DRC7: variants seen among roughly 807,000 people sequenced by gnomAD.
DRC7 encodes the protein dynein regulatory complex subunit 7, also known as coiled-coil domain containing 135.
DRC7 carries 80 observed loss-of-function variants against 104.4 expected under a neutral mutation model. The ratio of observed to expected loss-of-function variants is 0.77; its 90% confidence interval spans 0.64 to 0.92. The LOEUF (loss-of-function observed/expected upper bound fraction) is 0.92, where lower values mean the gene tolerates loss of function less well. Ranked by LOEUF, DRC7 falls within the 40% of genes least tolerant of loss-of-function variation. The pLI is 0.00. For missense variants in DRC7, 1,034 were observed against 1,141.1 expected (o/e 0.91, Z 1.35); for synonymous variants, 405 against 447.3 (o/e 0.91, Z 1.19).
chr16:57,719,747 A>C (rs921474791), intron 9 of DRC7, among the ~76,000 whole-genome samples: 4 of 152,072 alleles, frequency 2.6e-5, no homozygotes, highest in Non-Finnish European at 4.4e-5. Context: ...GGCTCAAGAG[A>C]TCCCCTTGCC....
intron 8 of DRC7, chr16:57,707,970 C>T (rs538650251): frequency 5.9e-5 from 27 of 455,984 alleles, no homozygotes; most frequent in South Asian, 5.3e-4. Context: ...GTACACTCAT[C>T]CCATGCATAC....
In DRC7 at chr16:57,698,896, T is replaced by G; in HGVS notation, c.250T>G (p.Tyr84Asp). Reference sequence around the variant, plus strand: ...TGACATCTCCAAGCTGCCCATTTCCTACAAAACCAACACACCCAAGGAGGA... The same window carrying G: ...TGACATCTCCAAGCTGCCCATTTCCGACAAAACCAACACACCCAAGGAGGA... ...TIDISKLPIS[Y>D]KTNTPKEEHL... Residue 84 changes from tyrosine to aspartate, a missense_variant, in exon 4 of 19, where the codon TAC (tyrosine) becomes GAC (aspartate). Coordinates refer to ENST00000360716, the MANE Select transcript of DRC7 (RefSeq NM_001289162.2). 1.9e-6 allele frequency: 3 copies of G among 1,614,128 alleles called. No homozygotes were observed. Among genetic ancestry groups the G allele is most frequent in the Non-Finnish European group, 2.5e-6 (3 of 1,180,002 alleles).
chr16:57,723,165 C>G, intron 12 of DRC7, 35 bp downstream of exon 12: 1 of 1,607,472 alleles, frequency 6.2e-7, no homozygotes, highest in African/African-American at 1.3e-5. Context: ...CACCCAGGAG[C>G]CTGGGGTAGA....
Position 57,718,377 on chromosome 16 carries a change from A to T in DRC7, c.1108A>T (p.Arg370Ter). ...GATCTTTGACCTGGGTGACCCTGTGAGATGGGAGTACATGCTCCTGGGGAC... is the reference window on the plus strand; with the variant it reads ...GATCTTTGACCTGGGTGACCCTGTGTGATGGGAGTACATGCTCCTGGGGAC... ...DLIFDLGDPV[R>*]WEYMLLGTDK... Residue 370 changes from arginine to a stop codon, truncating the protein, a stop_gained, in exon 9 of 19, where the codon AGA (arginine) becomes TGA (stop). Transcript: ENST00000360716. LOFTEE classifies it high-confidence loss of function. 1 of 1,614,118 alleles carries T rather than the reference A, an allele frequency of 6.2e-7. No homozygotes were observed.
chr16:57,704,406 C>CACAT (rs56803891), intron 6 of DRC7, among the ~76,000 whole-genome samples: 1 of 149,564 alleles, frequency 6.7e-6, no homozygotes, highest in African/African-American at 2.5e-5. Context: ...CACACACACA[C>CACAT]GGTTTCTTCT....
intron 1 of DRC7, among the ~76,000 whole-genome samples, chr16:57,695,300 G>C (rs2081540524): frequency 7.4e-6 from 1 of 135,936 alleles, no homozygotes; most frequent in Non-Finnish European, 1.5e-5. Flanking sequence ...GAGACACACA[G>C]GTTTCACAAC....
At position 57,727,385 on chromosome 16, in the gene DRC7, G is replaced by A; in HGVS notation, c.2172G>A (p.Lys724=). The A allele has an allele frequency of 1.9e-6, 3 of 1,613,360 alleles. No homozygotes were observed. The highest frequency in any genetic ancestry group is 2.5e-6 in the Non-Finnish European group (3 of 1,179,784). Residue 724 remains lysine (K), a synonymous_variant, in exon 16 of 19, where the codon AAG becomes AAA. Coordinates refer to ENST00000360716, the MANE Select transcript of DRC7 (RefSeq NM_001289162.2). ...TCTATGACACCAAGCGGAATGAGAA[G>A]AGCAAGGAATATCGGGAGGCCATGG... The part of the protein sequence containing the change: ...ISIYDTKRNE[K]SKEYREAMER...
At chr16:57,727,922 G>A (rs2048991209) in intron 16 of DRC7, among the ~76,000 whole-genome samples, 1 of 152,248 alleles carries the variant, frequency 6.6e-6, no homozygotes. Context: ...TCAGATCCCA[G>A]GGGAGGGTGT....
In DRC7 at chr16:57,726,818, G is replaced by A. The variant is rs201546808; in HGVS notation, c.1975-14G>A. On this transcript the variant is annotated splice_polypyrimidine_tract_variant and intron_variant, in intron 14 of 18. Transcript: ENST00000360716. ...GGCAGCCTCTCTGTGTTACTAAGGT[G>A]GTTGTTGTCCCAGGTGGAGCCCATG... 2.4e-5 allele frequency: 37 copies of A among 1,567,088 alleles called. No individual in the cohort carries two copies. In the East Asian group the frequency reaches 7.9e-4, roughly 33 times the overall value.
chr16:57,710,675 G>T (rs2048783310), intron 8 of DRC7, among the ~76,000 whole-genome samples: 1 of 152,132 alleles, frequency 6.6e-6, no homozygotes, highest in Non-Finnish European at 1.5e-5. Context: ...TCCAGTCCTA[G>T]TTTGCTGAGA....
Position 57,727,387 on chromosome 16 carries a change from G to A in DRC7, c.2174G>A (p.Ser725Asn). 1.9e-6 allele frequency: 3 copies of A among 1,613,220 alleles called. No homozygotes were observed. The highest frequency in any genetic ancestry group is 1.7e-6 in the Non-Finnish European group (2 of 1,179,708). The part of the protein sequence containing the change: ...SIYDTKRNEK[S>N]KEYREAMERM... ...TATGACACCAAGCGGAATGAGAAGA[G>A]CAAGGAATATCGGGAGGCCATGGTC... Residue 725 changes from serine (S) to asparagine (N), a missense_variant, in exon 16 of 19, where the codon AGC becomes AAC. By Grantham distance (46) the Ser-to-Asn change is conservative (BLOSUM62 1). Transcript: ENST00000360716.
intron 8 of DRC7, chr16:57,713,843 C>A: frequency 6.5e-6 from 1 of 154,502 alleles, no homozygotes; most frequent in South Asian, 1.9e-4. Context: ...TCCCAGCTGC[C>A]CTCATGGTGT....
At chr16:57,699,694 C>T (rs1302463621) in intron 4 of DRC7, among the ~76,000 whole-genome samples, 1 of 152,108 alleles carries the variant, frequency 6.6e-6, no homozygotes, top group African/African-American at 2.4e-5. Flanking sequence ...GGGAGAGCAT[C>T]GCTCCTGGGA....
intron 17 of DRC7, 136 bp downstream of exon 17, chr16:57,728,720 T>C: frequency 1.6e-6 from 1 of 621,452 alleles, no homozygotes; most frequent in Non-Finnish European, 2.6e-6. Flanking sequence ...TGCTTGGGGT[T>C]TCCAAATGAC....
chr16:57,701,362 G>A (rs1207592341), intron 5 of DRC7: 1 of 153,086 alleles, frequency 6.5e-6, no homozygotes. Context: ...CCACTTGCCT[G>A]AGGACACACA....
chr16:57,698,298 G>T, intron 3 of DRC7, 146 bp downstream of exon 3: 1 of 1,300,344 alleles, frequency 7.7e-7, no homozygotes, highest in South Asian at 1.5e-5. Flanking sequence ...GCTTTCAAAT[G>T]GCCTGGGCCG....
chr16:57,721,390 C>G (rs960377389), intron 9 of DRC7, among the ~76,000 whole-genome samples: 1 of 152,082 alleles, frequency 6.6e-6, no homozygotes, highest in Non-Finnish European at 1.5e-5. Context: ...GGCTTGGGTA[C>G]CCTGACTCCA....
In DRC7 at chr16:57,720,922, G is replaced by A. The variant is rs545605912; in HGVS notation, c.1207-745G>A. The stretch of plus-strand genomic sequence containing the variant: ...CAGAGAGGAAATAATAATAGGCCGG[G>A]CATGGTGGCTCATGCCTGTAATCCC... On this transcript the variant is annotated intron_variant, in intron 9 of 18. Coordinates refer to ENST00000360716, the MANE Select transcript of DRC7 (RefSeq NM_001289162.2). Among the ~76,000 whole-genome samples the A allele has an allele frequency of 2.6e-5, 4 of 152,292 alleles. No individual in the cohort carries two copies. In the East Asian group the frequency reaches 7.7e-4, roughly 29 times the overall value.
At chr16:57,718,084 G>A (rs1263530796) in intron 8 of DRC7, among the ~76,000 whole-genome samples, 1 of 152,236 alleles carries the variant, frequency 6.6e-6, no homozygotes, top group Non-Finnish European at 1.5e-5. Flanking sequence ...GTCTTTCACA[G>A]AGGTCAACAC....
Sources: allele counts gnomAD v4.1 joint callset (sites outside exome capture counted in the v4.1 genomes callset), GRCh38; gene constraint gnomAD v4.1.1; transcripts MANE v1.5; gene names NCBI Gene and HGNC (gene_info 2026-07-23, HGNC 2026-07-21).